The following SLC2A2 variants were observed in gnomAD, a reference collection of about 807,000 sequenced individuals.
The protein encoded by SLC2A2 is solute carrier family 2 member 2, also known as solute carrier family 2, facilitated glucose transporter member 2.
Under a neutral mutation model 54.5 loss-of-function variants are expected in SLC2A2, and 36 were observed. The ratio of observed to expected loss-of-function variants is 0.66; its 90% CI spans 0.51 to 0.87. The LOEUF (loss-of-function observed/expected upper bound fraction) is 0.87. Among genes scored for constraint, SLC2A2 ranks in the 40% least tolerant of loss-of-function variants. The probability of loss-of-function intolerance (pLI) is 0.00; values close to 1 mark genes in which losing one functional copy is unlikely to be tolerated. For synonymous variants in SLC2A2, 223 were observed against 219.1 expected (o/e 1.02, Z -0.16); for missense variants, 543 against 624.3 (o/e 0.87, Z 1.39).
At chr3:171,006,578 A>C (rs551873927) in intron 5 of SLC2A2, among the ~76,000 whole-genome samples, 13 of 152,120 alleles carry the variant, frequency 8.5e-5, no homozygotes, top group Admixed American at 1.3e-4. Context: ...TAGAACAATT[A>C]CTGTGATGAG....
intron 2 of SLC2A2, 91 bp from the exon 3 acceptor site, chr3:171,014,822 T>C (rs917163315): frequency 3.1e-6 from 3 of 983,056 alleles, no homozygotes; most frequent in African/African-American, 1.6e-5. Flanking sequence ...GTTTAAATAG[T>C]ACCATCTCAA....
intron 4 of SLC2A2, among the ~76,000 whole-genome samples, chr3:171,008,993 G>C (rs1406968366): frequency 1.3e-5 from 2 of 152,050 alleles, no homozygotes; most frequent in Non-Finnish European, 2.9e-5. Context: ...GTAGGTAAAA[G>C]TGTTAAAAAT....
intron 4 of SLC2A2, among the ~76,000 whole-genome samples, chr3:171,009,243 C>A (rs766254637): frequency 3.9e-5 from 6 of 152,118 alleles, no homozygotes; most frequent in Non-Finnish European, 7.4e-5. Flanking sequence ...GAAAAGCTGT[C>A]TCCAAGAACT....
At chr3:171,026,551 G>A in intron 1 of SLC2A2, 105 bp downstream of exon 1, 1 of 888,310 alleles carries the variant, frequency 1.1e-6, no homozygotes, top group African/African-American at 1.6e-5. Flanking sequence ...ATTTTGATCT[G>A]TGGTAGCTAC....
intron 1 of SLC2A2, among the ~76,000 whole-genome samples, chr3:171,019,232 A>T (rs1375487689): frequency 2.7e-5 from 4 of 150,866 alleles, no homozygotes; most frequent in African/African-American, 9.7e-5. Flanking sequence ...AGATAGAGCC[A>T]TTATATCATT....
chr3:171,026,555 T>C, intron 1 of SLC2A2, 101 bp downstream of exon 1: 1 of 916,520 alleles, frequency 1.1e-6, no homozygotes, highest in Non-Finnish European at 1.8e-6. Flanking sequence ...TGATCTGTGG[T>C]AGCTACACCC....
At chr3:171,015,741 A>G (rs1244491142) in intron 2 of SLC2A2, among the ~76,000 whole-genome samples, 2 of 152,158 alleles carry the variant, frequency 1.3e-5, no homozygotes, top group African/African-American at 4.8e-5. Flanking sequence ...AACCGGGTAT[A>G]TTATTGATGA....
chr3:171,003,995 A>C (rs1033790588), intron 7 of SLC2A2, among the ~76,000 whole-genome samples: 1 of 151,974 alleles, frequency 6.6e-6, no homozygotes, highest in African/African-American at 2.4e-5. Flanking sequence ...AAATTTAGTT[A>C]TGTTTATATA....
In SLC2A2 at chr3:171,008,010, A is replaced by G. The variant is rs1715690515; in HGVS notation, c.497-747T>C. Among the ~76,000 whole-genome samples the G allele has an allele frequency of 2.6e-5, 4 of 152,148 alleles. No homozygotes were observed. In the South Asian group the frequency reaches 8.3e-4, roughly 31 times the overall value. On this transcript the variant is annotated intron_variant, in intron 4 of 10. Coordinates refer to ENST00000314251, the MANE Select transcript of SLC2A2 (RefSeq NM_000340.2). ...AGCTTTCTTAAATGCACATGTAATC[A>G]GTCGTGCTGGAAATGGTGGAATGTC...
Position 170,999,173 on chromosome 3 carries a change from C to T in SLC2A2, c.1069-7G>A. The T allele has an allele frequency of 6.4e-7, 1 of 1,565,714 alleles. No homozygotes were observed. Among genetic ancestry groups the T allele is most frequent in the Non-Finnish European group, 8.8e-7 (1 of 1,136,180 alleles). ...CCTTCTCCACAAGGAATACCTAGGA[C>T]AATTTTAAAGAAATTATCTCAGTTT... On this transcript the variant is annotated splice_region_variant and splice_polypyrimidine_tract_variant and intron_variant, in intron 8 of 10. Coordinates refer to ENST00000314251, the MANE Select transcript of SLC2A2 (RefSeq NM_000340.2).
Position 171,014,722 on chromosome 3 carries a change from A to G in SLC2A2, c.118T>C (p.Ser40Pro). 2.5e-6 allele frequency: 4 copies of G among 1,612,650 alleles called. No homozygotes were observed. The highest frequency in any genetic ancestry group is 3.4e-6 in the Non-Finnish European group (4 of 1,178,636). The stretch of plus-strand genomic sequence containing the variant: ...ACACCCAAAACATGTCTATAGTGAG[A>G]TATTATTACCTAGGAGATAAAGAAA... ...VINAPQQVII[S>P]HYRHVLGVPL... Residue 40 changes from serine to proline, a missense_variant, in exon 3 of 11, where the codon TCT (serine) becomes CCT (proline). Around this residue, in one of 3 missense-constraint regions of SLC2A2, gnomAD observed 318 missense variants for 343.8 expected, o/e 0.93. Coordinates refer to ENST00000314251, the MANE Select transcript of SLC2A2 (RefSeq NM_000340.2).
intron 9 of SLC2A2, among the ~76,000 whole-genome samples, chr3:170,998,626 G>T (rs1169955935): frequency 2.0e-5 from 3 of 152,106 alleles, no homozygotes; most frequent in African/African-American, 7.2e-5. Context: ...TGTAAAAGAG[G>T]CAGGGCAAGG....
At chr3:171,000,535 C>T (rs1715290668) in intron 8 of SLC2A2, among the ~76,000 whole-genome samples, 1 of 148,828 alleles carries the variant, frequency 6.7e-6, no homozygotes, top group African/African-American at 2.6e-5. Context: ...CTCATCTTTG[C>T]CCCAGGGCCT....
In SLC2A2 at chr3:170,998,234, T is replaced by G; in HGVS notation, c.1333A>C (p.Thr445Pro). Residue 445 changes from threonine (T) to proline (P), a missense_variant, in exon 10 of 11, where the codon ACC becomes CCC. By Grantham distance (38) the Thr-to-Pro change is conservative. Transcript: ENST00000314251. ...CACAGAGCTACAATGAAATTGCAGGTCCAATTGCTGAATGCAGCTATTGCT... is the reference window on the plus strand; with the variant it reads ...CACAGAGCTACAATGAAATTGCAGGGCCAATTGCTGAATGCAGCTATTGCT... Reference protein sequence around the residue: ...ALAIAAFSNWTCNFIVALCFQ... With the variant: ...ALAIAAFSNWPCNFIVALCFQ... The G allele has an allele frequency of 1.2e-6, 2 of 1,613,780 alleles. No homozygotes were observed. Among genetic ancestry groups the G allele is most frequent in the Non-Finnish European group, 1.7e-6 (2 of 1,179,800 alleles).
intron 5 of SLC2A2, 151 bp downstream of exon 5, chr3:171,006,997 C>G (rs750153487): frequency 3.0e-6 from 2 of 676,928 alleles, no homozygotes; most frequent in Non-Finnish European, 5.5e-6. Flanking sequence ...TGGCTTTTCT[C>G]TCTGTGCTGG....
chr3:171,015,668 T>A (rs975949724), intron 2 of SLC2A2, among the ~76,000 whole-genome samples: 7 of 152,070 alleles, frequency 4.6e-5, no homozygotes, highest in African/African-American at 1.7e-4. Flanking sequence ...TGGTGTATCT[T>A]TGTTGGAAGT....
At chr3:171,026,571 C>G (rs777184631) in intron 1 of SLC2A2, 85 bp downstream of exon 1, 2 of 1,138,102 alleles carry the variant, frequency 1.8e-6, no homozygotes, top group Non-Finnish European at 2.7e-6. Context: ...CACCCAACCT[C>G]CCCCAAATCC....
intron 7 of SLC2A2, among the ~76,000 whole-genome samples, chr3:171,004,591 GTT>G (rs5854402): frequency 2.0e-4 from 28 of 143,394 alleles, no homozygotes; most frequent in African/African-American, 5.3e-4. Context: ...GAGAAGTGGT[GTT>G]TTTTTTTTTT....
intron 4 of SLC2A2, among the ~76,000 whole-genome samples, chr3:171,008,901 G>T (rs1715742810): frequency 6.6e-6 from 1 of 152,054 alleles, no homozygotes. Context: ...AATAAAAAGA[G>T]ATTTAATTAG....
Sources: gnomAD v4.1 joint callset for allele counts (sites outside exome capture counted in the v4.1 genomes callset) on GRCh38, gnomAD v4.1.1 for gene constraint, gnomAD v4.1.1 regional missense constraint, MANE v1.5 for transcripts, NCBI Gene and HGNC (gene_info 2026-07-23, HGNC 2026-07-21) for gene names.